Variants in KANTR observed in about 807,000 individuals in gnomAD.
The protein encoded by KANTR is KDM5C adjacent transcript.
intron 2 of KANTR, among the ~76,000 whole-genome samples, chrX:53,119,053 T>C (rs1435722140): frequency 0.012 from 1,235 of 102,864 alleles, 22 homozygotes; most frequent in African/African-American, 0.041. Flanking sequence ...TCTTTTTTTT[T>C]TTTTTTTTTG....
chrX:53,108,551 A>G (rs1932983781), intron 2 of KANTR, among the ~76,000 whole-genome samples: 1 of 112,006 alleles, frequency 8.9e-6, no homozygotes, highest in African/African-American at 3.2e-5. Context: ...GAAATACAAT[A>G]GATTTTTGTT....
intron 2 of KANTR, among the ~76,000 whole-genome samples, chrX:53,112,733 G>A (rs1838984293): frequency 9.0e-6 from 1 of 110,949 alleles, no homozygotes; most frequent in East Asian, 2.8e-4. Context: ...CAATTTGATT[G>A]GAGAACTTTG....
At chrX:53,117,589 CTG>C (rs1227913049) in intron 2 of KANTR, among the ~76,000 whole-genome samples, 1,525 of 78,492 alleles carry the variant, frequency 0.019, 35 homozygotes, top group Non-Finnish European at 0.023. Context: ...TAGTATCATA[CTG>C]TGTGTGTGTG....
At chrX:53,130,961 G>A (rs1556816978), downstream of KANTR, among the ~76,000 whole-genome samples, 1 of 111,404 alleles carries the variant, frequency 9.0e-6, no homozygotes, top group East Asian at 2.8e-4. Flanking sequence ...AACAGTGACA[G>A]AGGGATAATC....
intron 2 of KANTR, among the ~76,000 whole-genome samples, chrX:53,118,117 C>G (rs1352327118): frequency 1.8e-5 from 2 of 111,628 alleles, no homozygotes; most frequent in Non-Finnish European, 3.8e-5. Context: ...CATGAGCATT[C>G]TTAGGTGTAT....
At chrX:53,139,836 CAAA>C (rs1160447346) in intron 2 of KANTR, among the ~76,000 whole-genome samples, 1 of 107,445 alleles carries the variant, frequency 9.3e-6, no homozygotes, top group Non-Finnish European at 1.9e-5. Flanking sequence ...AAAAACAAAA[CAAA>C]AGAAGGAGGA....
chrX:53,132,373 G>C (rs1281256751), downstream of KANTR, among the ~76,000 whole-genome samples: 1 of 111,817 alleles, frequency 8.9e-6, no homozygotes, highest in African/African-American at 3.3e-5. Flanking sequence ...AACAGTGACA[G>C]GGCCTCCAGT....
chrX:53,112,182 C>G lies in KANTR; in HGVS notation c.-804-11287C>G, dbSNP rs148357047. On this transcript the variant is annotated intron_variant, in intron 2 of 2. Coordinates refer to ENST00000604062, the Ensembl canonical transcript of KANTR. ...TGTGTCATTCTTATTGCCTTTGCAT[C>G]CTCATAGCTTAGCTCCCACTTATGA... 9.9e-4 allele frequency among the ~76,000 whole-genome samples: 109 copies of G among 110,531 alleles called. 1 individual carries two copies. Among genetic ancestry groups the G allele is most frequent in the African/African-American group, 3.4e-3 (105 of 30,529 alleles).
intron 1 of KANTR, among the ~76,000 whole-genome samples, chrX:53,097,179 T>C (rs1556810993): frequency 9.1e-6 from 1 of 110,139 alleles, no homozygotes; most frequent in African/African-American, 3.3e-5. Flanking sequence ...GTGAGAACCA[T>C]TGCTTAAGTA....
exon 3 of KANTR, chrX:53,142,672 T>C (rs1933520196): frequency 2.9e-6 from 1 of 348,819 alleles, no homozygotes; most frequent in Non-Finnish European, 5.4e-6. Flanking sequence ...GGTGTATGCA[T>C]TTGCCAGGGG....
intron 2 of KANTR, among the ~76,000 whole-genome samples, chrX:53,109,199 T>A (rs1193359877): frequency 8.9e-6 from 1 of 112,612 alleles, no homozygotes; most frequent in Non-Finnish European, 1.9e-5. Context: ...TTCAGTTTCA[T>A]TCATCAATGT....
chrX:53,118,194 T>C (rs1200521213), intron 2 of KANTR, among the ~76,000 whole-genome samples: 7 of 111,842 alleles, frequency 6.3e-5, no homozygotes, highest in Admixed American at 1.9e-4. Flanking sequence ...TGTTGATTAA[T>C]AGGTCATCCA....
chrX:53,104,314 T>C (rs782690156), intron 2 of KANTR, among the ~76,000 whole-genome samples: 1 of 110,019 alleles, frequency 9.1e-6, no homozygotes, highest in South Asian at 3.9e-4. Flanking sequence ...GCAACTTCTG[T>C]CTCCCGGGTT....
At chrX:53,138,522 C>T (rs1372793684) in intron 2 of KANTR, among the ~76,000 whole-genome samples, 1 of 107,566 alleles carries the variant, frequency 9.3e-6, no homozygotes, top group Non-Finnish European at 1.9e-5. Flanking sequence ...ATTAGCTGGG[C>T]GTGGTGGCAC....
chrX:53,095,620 G>A (rs1408256420), intron 1 of KANTR, among the ~76,000 whole-genome samples: 3 of 109,696 alleles, frequency 2.7e-5, no homozygotes, highest in Admixed American at 1.0e-4. Flanking sequence ...TACATATATC[G>A]CACATATATA....
intron 2 of KANTR, among the ~76,000 whole-genome samples, chrX:53,100,056 A>G (rs1233103306): frequency 1.8e-5 from 2 of 112,326 alleles, no homozygotes; most frequent in African/African-American, 6.5e-5. Context: ...GTTAAAAGTC[A>G]CCAGCTGCCT....
downstream of KANTR, chrX:53,143,426 A>ACC: frequency 1.6e-6 from 1 of 621,574 alleles, no homozygotes. Flanking sequence ...GTAGATGGGT[A>ACC]CCATGTAGGT....
At chrX:53,132,229 C>T (rs1933367981), downstream of KANTR, among the ~76,000 whole-genome samples, 2 of 111,303 alleles carry the variant, frequency 1.8e-5, no homozygotes, top group South Asian at 3.7e-4. Context: ...GGCTTTTTGC[C>T]GAAATTTACA....
chrX:53,128,645 G>C, downstream of KANTR, among the ~76,000 whole-genome samples: 1 of 110,954 alleles, frequency 9.0e-6, no homozygotes, highest in Admixed American at 9.6e-5. Context: ...AAATAAATCA[G>C]TTTTCTAGGA....
Sources: allele counts gnomAD v4.1 joint callset (sites outside exome capture counted in the v4.1 genomes callset), GRCh38; gene constraint gnomAD v4.1.1; transcripts MANE v1.5; gene names NCBI Gene and HGNC (gene_info 2026-07-23, HGNC 2026-07-21).